Variants in NES observed in about 807,000 individuals in gnomAD.
NES encodes nestin.
Under a neutral mutation model 35.6 loss-of-function variants are expected in NES, and 27 were observed. The ratio of observed to expected loss-of-function variants is 0.76; its 90% CI spans 0.56 to 1.04. The LOEUF is 1.04. Among genes scored for constraint, NES ranks in the 50% least tolerant of loss-of-function variants. NES has a pLI of 0.00. For missense variants in NES, 1,867 were observed against 1,983.6 expected, an observed-to-expected ratio of 0.94 and a Z score of 1.12; for synonymous variants, 822 against 824.2, an observed-to-expected ratio of 1.00 and a Z score of 0.04.
chr1:156,676,656 C>A lies in NES; in HGVS notation c.609G>T (p.Ser203=). ...YQERVAHMET[S]LGQARERLGR... is the part of the protein sequence containing the mutation. ...CCAGCCGCTCGCGGGCCTGGCCCAGCGACGTCTCCATGTGTGCCACGCGCT... is the reference window on the plus strand; with the variant it reads ...CCAGCCGCTCGCGGGCCTGGCCCAGAGACGTCTCCATGTGTGCCACGCGCT... The change falls in exon 1 of 4, where the codon TCG becomes TCT. Residue 203 remains serine (S), a synonymous_variant. Coordinates refer to ENST00000368223, the MANE Select transcript of NES (RefSeq NM_006617.2). This position sits in a 1 kb window ranked among gnomAD's most constrained non-coding sequence, Gnocchi z 5.3. 2.0e-6 allele frequency: 3 copies of A among 1,525,856 alleles called. No homozygotes were observed. The highest frequency in any genetic ancestry group is 1.4e-5 in the African/African-American group (1 of 70,044). 94.5% of individuals were successfully genotyped at this position (1,525,856 alleles called of 1,614,324 possible).
rs778103638 is a variant in NES at position 156,669,942 on chromosome 1, C to T, written c.4246G>A (p.Glu1416Lys). The T allele has an allele frequency of 2.5e-6, 4 of 1,611,736 alleles. No homozygotes were observed. The African/African-American group carries it at 4.0e-5, about 16-fold the overall frequency. Residue 1416 changes from glutamate to lysine, a missense_variant, in exon 4 of 4, where the codon GAA becomes AAA. Physicochemically the swap from Glu to Lys is moderately conservative, Grantham distance 56. Coordinates refer to ENST00000368223, the MANE Select transcript of NES (RefSeq NM_006617.2). Reference protein sequence around the residue: ...DGESDGFADEEESGEEGEEDQ... With the variant: ...DGESDGFADEKESGEEGEEDQ... ...TCCTCTCCCTCCTCCCCACTTTCTT[C>T]CTCATCTGCAAACCCATCGGACTCC...
Position 156,672,115 on chromosome 1 carries a change from A to G in NES, c.2073T>C (p.Pro691=), listed in dbSNP as rs1309456723. 5.0e-6 allele frequency: 8 copies of G among 1,610,722 alleles called. No individual in the cohort carries two copies. The highest frequency in any genetic ancestry group is 2.2e-5 in the East Asian group (1 of 44,874). Residue 691 remains proline (P), a synonymous_variant, in exon 4 of 4, where the codon CCT becomes CCC. Coordinates refer to ENST00000368223, the MANE Select transcript of NES (RefSeq NM_006617.2). ...PEVGDEEALR[P]LTKENQEPLR... Reference sequence around the variant, plus strand: ...GGGGTTCCTGATTCTCCTTTGTCAGAGGTCTCAGTGCCTCCTCATCCCCTA... The same window carrying G: ...GGGGTTCCTGATTCTCCTTTGTCAGGGGTCTCAGTGCCTCCTCATCCCCTA...
chr1:156,675,150 C>A, intron 2 of NES, 66 bp downstream of exon 2: 1 of 1,568,506 alleles, frequency 6.4e-7, no homozygotes, highest in South Asian at 1.2e-5. Context: ...CCCCTTCAGC[C>A]ACGTAGTCTG....
chr1:156,673,776 C>T (rs1370684958), intron 2 of NES, among the ~76,000 whole-genome samples: 1 of 152,154 alleles, frequency 6.6e-6, no homozygotes, highest in Admixed American at 6.6e-5. Flanking sequence ...GACATAGAAG[C>T]AGATTCCCAC....
At position 156,669,181 on chromosome 1, in the gene NES, G is replaced by T. The variant is rs1679642809; in HGVS notation, c.*141C>A. On this transcript the variant is annotated 3_prime_UTR_variant, in exon 4 of 4. Transcript: ENST00000368223. ...CTTTGCCACACCCCTTTTCACCTTA[G>T]CGGGCCAGGCCTCTCAGCCAGAAAC... 3.6e-6 allele frequency: 2 copies of T among 557,706 alleles called. No homozygotes were observed. The highest frequency in any genetic ancestry group is 6.0e-6 in the Non-Finnish European group (2 of 331,822). The allele number at this position is 557,706 out of a possible 1,614,324, so 34.5% of individuals were successfully genotyped here.
Position 156,676,853 on chromosome 1 carries a change from C to A in NES, c.412G>T (p.Glu138Ter). ...TCCTCGTGCGCCACGCGTAGAGCCT[C>A]TAGCTCGCGCTCCAGCTCTGCCACC... ...SQVAELEREL[E>*]ALRVAHEEER... The change falls in exon 1 of 4, where the codon GAG (glutamate) becomes TAG (stop). Residue 138 changes from glutamate to a stop codon, truncating the protein, a stop_gained. Transcript: ENST00000368223. LOFTEE classifies it high-confidence loss of function. This position sits in a 1 kb window ranked among gnomAD's most constrained non-coding sequence, Gnocchi z 5.3. The A allele has an allele frequency of 6.6e-7, 1 of 1,511,638 alleles. No homozygotes were observed. The highest frequency in any genetic ancestry group is 2.6e-5 in the East Asian group (1 of 38,816). The allele number at this position is 1,511,638 out of a possible 1,614,324, so 93.6% of individuals were successfully genotyped here. A position where few individuals can be genotyped will look rare whatever the true frequency, so the allele number is the denominator to read the frequency against.
Position 156,669,532 on chromosome 1 carries a change from TC to T in NES, c.4655del (p.Gly1552GlufsTer2). ...CAGACTGCTCCAGCCCGTTCATCAC[TC>T]CCCCATTCACATGCTGTGACTTCCC... ...LEGKSQHVNGGVMNGLEQSEE... is the reference protein window; with the variant it reads ...LEGKSQHVNGXVMNGLEQSEE... On this transcript the variant is annotated frameshift_variant, in exon 4 of 4. Coordinates refer to ENST00000368223, the MANE Select transcript of NES (RefSeq NM_006617.2). LOFTEE classifies it low-confidence loss of function (END_TRUNC). 6.2e-7 allele frequency: 1 copy of T among 1,611,582 alleles called. No individual in the cohort carries two copies. Among genetic ancestry groups the T allele is most frequent in the Non-Finnish European group, 8.5e-7 (1 of 1,178,222 alleles).
rs375181199 is a variant in NES at position 156,672,154 on chromosome 1, C to A, written c.2034G>T (p.Leu678=). The A allele has an allele frequency of 6.2e-7, 1 of 1,611,934 alleles. No individual in the cohort carries two copies. The highest frequency in any genetic ancestry group is 8.5e-7 in the Non-Finnish European group (1 of 1,179,532). Residue 678 remains leucine (L), a synonymous_variant, in exon 4 of 4, where the codon CTG becomes CTT. Transcript: ENST00000368223. ...CCTCATCCCCTACTTCTGGAGATCTCAGTGGCTCTTGATTCTCCTTTTCCA... is the reference window on the plus strand; with the variant it reads ...CCTCATCCCCTACTTCTGGAGATCTAAGTGGCTCTTGATTCTCCTTTTCCA... ...TALEKENQEP[L]RSPEVGDEEA... is the part of the protein sequence containing the mutation.
rs982715203 is a variant in NES, at chr1:156,677,362, G to C, written c.-98C>G. 16 of 805,818 alleles carry C rather than the reference G, an allele frequency of 2.0e-5. No homozygotes were observed. The African/African-American group carries it at 2.4e-4, about 12-fold the overall frequency. The allele number at this position is 805,818 out of a possible 1,614,324, so 49.9% of individuals were successfully genotyped here. A position where few individuals can be genotyped will look rare whatever the true frequency, so the allele number is the denominator to read the frequency against. On this transcript the variant is annotated 5_prime_UTR_variant, in exon 1 of 4. Coordinates refer to ENST00000368223, the MANE Select transcript of NES (RefSeq NM_006617.2). The surrounding 1 kb of genome is among the most constrained non-coding windows in gnomAD (Gnocchi z 4.5). The stretch of plus-strand genomic sequence containing the variant: ...AGGACGGAAGAGAAAAGAGACCGAC[G>C]GGGACAATGACGGGGCGGGGCGGGG...
rs1647236498 is a variant in NES at position 156,675,235 on chromosome 1, G to C, written c.889C>G (p.Leu297Val). 6.2e-7 allele frequency: 1 copy of C among 1,613,500 alleles called. No homozygotes were observed. The highest frequency in any genetic ancestry group is 1.7e-5 in the Admixed American group (1 of 59,986). ...QLAHLKMSLS[L>V]EVATYRTLLE... Reference sequence around the variant, plus strand: ...TCGTACCTGTACGTGGCCACCTCCAGGCTGAGGGACATCTTGAGGTGCGCC... The same window carrying C: ...TCGTACCTGTACGTGGCCACCTCCACGCTGAGGGACATCTTGAGGTGCGCC... The change falls in exon 2 of 4, where the codon CTG (leucine) becomes GTG (valine). Residue 297 changes from leucine (L) to valine (V), a missense_variant. Transcript: ENST00000368223.
chr1:156,675,424 C>G, intron 1 of NES, 84 bp from the exon 2 acceptor site: 4 of 1,458,750 alleles, frequency 2.7e-6, no homozygotes, highest in East Asian at 2.4e-5. Flanking sequence ...TGCCGCTGCC[C>G]GGGAAGCACC....
chr1:156,669,816 G>A lies in NES; in HGVS notation c.4372C>T (p.Leu1458=). 1 of 1,613,942 alleles carries A rather than the reference G, an allele frequency of 6.2e-7. No individual in the cohort carries two copies. The highest frequency in any genetic ancestry group is 8.5e-7 in the Non-Finnish European group (1 of 1,179,970). ...ALSSSQRGEF[L]ESDSVSVSVP... ...CTGACACTCACAGAATCAGACTCCA[G>A]GAATTCCCCTCTCTGGGAGCTACTC... Residue 1458 remains leucine, a synonymous_variant, in exon 4 of 4, where the codon CTG becomes TTG. Transcript: ENST00000368223.
rs1415700652 is a variant in NES, at chr1:156,672,106, C to T, written c.2082G>A (p.Lys694=). ...GDEEALRPLT[K]ENQEPLRSLE... ...GAGACCTCAGGGGTTCCTGATTCTC[C>T]TTTGTCAGAGGTCTCAGTGCCTCCT... The change falls in exon 4 of 4, where the codon AAG becomes AAA. Residue 694 remains lysine (K), a synonymous_variant. Coordinates refer to ENST00000368223, the MANE Select transcript of NES (RefSeq NM_006617.2). 6.2e-7 allele frequency: 1 copy of T among 1,610,778 alleles called. No homozygotes were observed. Among genetic ancestry groups the T allele is most frequent in the Non-Finnish European group, 8.5e-7 (1 of 1,179,264 alleles).
In NES at chr1:156,669,570, G is replaced by A. The variant is rs1198792466; in HGVS notation, c.4618C>T (p.Pro1540Ser). The A allele has an allele frequency of 1.9e-6, 3 of 1,613,800 alleles. No individual in the cohort carries two copies. The highest frequency in any genetic ancestry group is 2.5e-6 in the Non-Finnish European group (3 of 1,179,780). ...ADIIGVNGQG[P>S]NLEGKSQHVN... ...TGCTGTGACTTCCCCTCCAAGTTGGGACCCTGGCCATTAACACCAATGATG... is the reference window on the plus strand; with the variant it reads ...TGCTGTGACTTCCCCTCCAAGTTGGAACCCTGGCCATTAACACCAATGATG... The change falls in exon 4 of 4, where the codon CCC becomes TCC. Residue 1540 changes from proline (P) to serine (S), a missense_variant. Physicochemically the swap from Pro to Ser is moderately conservative, Grantham distance 74 (BLOSUM62 -1). Transcript: ENST00000368223.
In NES at chr1:156,673,343, C is replaced by T. The variant is rs895993490; in HGVS notation, c.982+111G>A. 3 of 1,317,888 alleles carry T rather than the reference C, an allele frequency of 2.3e-6. No individual in the cohort carries two copies. In the African/African-American group the frequency reaches 4.4e-5, roughly 19 times the overall value. The allele number at this position is 1,317,888 out of a possible 1,614,324, so 81.6% of individuals were successfully genotyped here. On this transcript the variant is annotated intron_variant, in intron 3 of 3. Transcript: ENST00000368223. Reference sequence around the variant, plus strand: ...GCTGGGCTGAGAGCATGCTCACTGACACTGGAGGCCACGGACTTGAAATTT... The same window carrying T: ...GCTGGGCTGAGAGCATGCTCACTGATACTGGAGGCCACGGACTTGAAATTT...
At position 156,669,537 on chromosome 1, in the gene NES, C is replaced by A; in HGVS notation, c.4651G>T (p.Gly1551Trp). ...TGCTCCAGCCCGTTCATCACTCCCC[C>A]ATTCACATGCTGTGACTTCCCCTCC... Reference protein sequence around the residue: ...NLEGKSQHVNGGVMNGLEQSE... With the variant: ...NLEGKSQHVNWGVMNGLEQSE... Residue 1551 changes from glycine (G) to tryptophan (W), a missense_variant, in exon 4 of 4, where the codon GGG becomes TGG. Transcript: ENST00000368223. 2 of 1,612,558 alleles carry A rather than the reference C, an allele frequency of 1.2e-6. No homozygotes were observed. The highest frequency in any genetic ancestry group is 8.5e-7 in the Non-Finnish European group (1 of 1,178,870).
In NES at chr1:156,670,351, C is replaced by T. The variant is rs1300610369; in HGVS notation, c.3837G>A (p.Gly1279=). The T allele has an allele frequency of 1.9e-6, 3 of 1,610,964 alleles. No individual in the cohort carries two copies. The highest frequency in any genetic ancestry group is 2.5e-6 in the Non-Finnish European group (3 of 1,178,176). Residue 1279 remains glycine, a synonymous_variant, in exon 4 of 4, where the codon GGG becomes GGA. Transcript: ENST00000368223. Reference sequence around the variant, plus strand: ...CCTCGCTCTCTTCTCTGCTCTCCTCCCCTTCCTCCTGGGGGCCCTCGGGGA... The same window carrying T: ...CCTCGCTCTCTTCTCTGCTCTCCTCTCCTTCCTCCTGGGGGCCCTCGGGGA... ...GEIPEGPQEE[G]EESREESEED...
chr1:156,675,715 G>A (rs990880883), intron 1 of NES, among the ~76,000 whole-genome samples: 2 of 152,150 alleles, frequency 1.3e-5, no homozygotes, highest in Non-Finnish European at 2.9e-5. Flanking sequence ...AAGGAAAAAC[G>A]ATTAATCAAG....
rs190174455 is a variant in NES at position 156,677,241 on chromosome 1, C to T, written c.24G>A (p.Glu8=). The T allele has an allele frequency of 3.6e-3, 5,739 of 1,612,534 alleles. 18 individuals carry two copies. Among genetic ancestry groups the T allele is most frequent in the Non-Finnish European group, 4.1e-3 (4,879 of 1,179,850 alleles). The change falls in exon 1 of 4, where the codon GAG becomes GAA. Residue 8 remains glutamate (E), a synonymous_variant. Coordinates refer to ENST00000368223, the MANE Select transcript of NES (RefSeq NM_006617.2). The surrounding 1 kb of genome is among the most constrained non-coding windows in gnomAD (Gnocchi z 4.5). MEGCMGE[E]SFQMWELNRR... ...GATTGAGCTCCCACATCTGAAACGA[C>T]TCCTCCCCCATGCAGCCCTCCATCC...
Sources: gnomAD v4.1 joint callset for allele counts (sites outside exome capture counted in the v4.1 genomes callset) on GRCh38, gnomAD v4.1.1 for gene constraint, Gnocchi (gnomAD v3.1) non-coding constraint, MANE v1.5 for transcripts, NCBI Gene and HGNC (gene_info 2026-07-23, HGNC 2026-07-21) for gene names.